Variants in TAF1 observed in about 807,000 individuals in gnomAD.
TAF1 encodes transcription initiation factor TFIID subunit 1.
TAF1 carries 2 observed loss-of-function variants against 138.5 expected under a neutral mutation model. The observed-to-expected ratio is 0.01, with a 90% CI of 0.01 to 0.05. The LOEUF (loss-of-function observed/expected upper bound fraction) is 0.05, where lower values mean the gene tolerates loss of function less well. Among genes scored for constraint, TAF1 ranks in the 10% least tolerant of loss-of-function variants. The pLI, the probability that TAF1 is intolerant of heterozygous loss-of-function variation, is 1.00. For synonymous variants in TAF1, 437 were observed against 503.2 expected (o/e 0.87, Z 1.76); for missense variants, 709 against 1,478.0 (o/e 0.48, Z 8.53).
chrX:71,496,712 CCTCT>C (rs975209660), intron 13 of TAF1, among the ~76,000 whole-genome samples: 4 of 109,171 alleles, frequency 3.7e-5, no homozygotes, highest in African/African-American at 1.0e-4. Context: ...TCTGTCTCTT[CCTCT>C]CTCTCTTTCT....
chrX:71,498,400 T>C (rs1320797999), intron 13 of TAF1, among the ~76,000 whole-genome samples: 1 of 112,038 alleles, frequency 8.9e-6, no homozygotes, highest in Non-Finnish European at 1.9e-5. Context: ...GCCTCATTGA[T>C]GAATCTAAGA....
intron 12 of TAF1, 47 bp downstream of exon 12, chrX:71,383,211 T>C (rs754071045): frequency 1.7e-6 from 2 of 1,154,710 alleles, no homozygotes; most frequent in South Asian, 4.0e-5. Flanking sequence ...GATATTGGGG[T>C]ATAAATTAAG....
At chrX:71,530,034 C>A in exon 15 of TAF1, 1 of 166,711 alleles carries the variant, frequency 6.0e-6, no homozygotes, top group Non-Finnish European at 1.2e-5. Flanking sequence ...ATTGTTTTTT[C>A]CTTTTTTACC....
intron 13 of TAF1, among the ~76,000 whole-genome samples, chrX:71,486,365 T>A (rs955498249): frequency 3.6e-5 from 4 of 109,737 alleles, no homozygotes; most frequent in Admixed American, 2.0e-4. Flanking sequence ...TTATTTTTTT[T>A]AATTTGTTTT....
intron 32 of TAF1, among the ~76,000 whole-genome samples, chrX:71,449,547 A>G (rs771122154): frequency 8.9e-5 from 10 of 112,618 alleles, no homozygotes; most frequent in African/African-American, 2.6e-4. Flanking sequence ...TTTTCCTTGT[A>G]TTATAAAGTG....
chrX:71,410,584 A>G (rs1235195696), intron 28 of TAF1, among the ~76,000 whole-genome samples: 3 of 105,851 alleles, frequency 2.8e-5, no homozygotes, highest in African/African-American at 1.0e-4. Flanking sequence ...CAGCCTCCCG[A>G]GTAGCTGGGA....
chrX:71,375,421 A>G lies in TAF1; in HGVS notation c.472+135A>G. On this transcript the variant is annotated intron_variant, in intron 4 of 37. Coordinates refer to ENST00000423759, the MANE Select transcript of TAF1 (RefSeq NM_004606.5). ...TTCTAGAAATAATTCATACAATCGCAAATTTTAGTATTAAAGGGAAGTTTT... is the reference window on the plus strand; with the variant it reads ...TTCTAGAAATAATTCATACAATCGCGAATTTTAGTATTAAAGGGAAGTTTT... 7 of 833,216 alleles carry G rather than the reference A, an allele frequency of 8.4e-6. No homozygotes were observed. The South Asian group carries it at 2.7e-4, about 32-fold the overall frequency. The allele number at this position is 833,216 out of a possible 1,213,427, so 68.7% of individuals were successfully genotyped here.
At chrX:71,376,684 A>C (rs1345227627) in intron 4 of TAF1, among the ~76,000 whole-genome samples, 1 of 110,049 alleles carries the variant, frequency 9.1e-6, no homozygotes. Flanking sequence ...AAAAAACAAC[A>C]AAAAATCGGA....
intron 13 of TAF1, among the ~76,000 whole-genome samples, chrX:71,508,656 G>A (rs1282671597): frequency 9.4e-6 from 1 of 105,844 alleles, no homozygotes; most frequent in Non-Finnish European, 1.9e-5. Flanking sequence ...AAGTGAAGAC[G>A]GGAAGGAAGG....
intron 13 of TAF1, among the ~76,000 whole-genome samples, chrX:71,518,263 G>A (rs1164155007): frequency 8.9e-6 from 1 of 111,973 alleles, no homozygotes; most frequent in Non-Finnish European, 1.9e-5. Context: ...TCTGCCTTCT[G>A]GGCTCAAGCC....
At chrX:71,496,972 G>A (rs1357848657) in intron 13 of TAF1, among the ~76,000 whole-genome samples, 1 of 112,223 alleles carries the variant, frequency 8.9e-6, no homozygotes, top group Admixed American at 9.5e-5. Context: ...CCATATTGCA[G>A]CATGGGAATG....
At chrX:71,511,787 G>A (rs769122065) in intron 13 of TAF1, among the ~76,000 whole-genome samples, 60 of 111,033 alleles carry the variant, frequency 5.4e-4, no homozygotes, top group African/African-American at 1.3e-3. Context: ...AGGTTGAGGC[G>A]GGTGGATTGC....
chrX:71,466,657 C>T (rs1460952184), downstream of TAF1, among the ~76,000 whole-genome samples: 1 of 112,117 alleles, frequency 8.9e-6, no homozygotes, highest in Non-Finnish European at 1.9e-5. Context: ...GGATTACAGG[C>T]GTGAGCCACC....
intron 23 of TAF1, 107 bp from the exon 24 acceptor site, chrX:71,398,465 G>A (rs1384222809): frequency 9.6e-7 from 1 of 1,037,361 alleles, no homozygotes; most frequent in Non-Finnish European, 1.3e-6. Context: ...ATCTTAGCCT[G>A]GATGGATTAC....
intron 32 of TAF1, among the ~76,000 whole-genome samples, chrX:71,449,774 T>C (rs2037869750): frequency 9.0e-6 from 1 of 111,718 alleles, no homozygotes; most frequent in Non-Finnish European, 1.9e-5. Flanking sequence ...ATTTCTGTTT[T>C]CTTTTTTTGT....
At chrX:71,424,881 TC>T (rs2036524373) in intron 32 of TAF1, among the ~76,000 whole-genome samples, 1 of 112,245 alleles carries the variant, frequency 8.9e-6, no homozygotes, top group Non-Finnish European at 1.9e-5. Context: ...TGCCTCAGCC[TC>T]CCAAAGTGCT....
intron 13 of TAF1, among the ~76,000 whole-genome samples, chrX:71,495,924 A>T (rs2039387890): frequency 8.9e-6 from 1 of 112,219 alleles, no homozygotes; most frequent in South Asian, 3.7e-4. Flanking sequence ...ACTTTTGTTG[A>T]AAACCTTGTA....
intron 26 of TAF1, among the ~76,000 whole-genome samples, chrX:71,407,171 C>T (rs1453680460): frequency 1.9e-5 from 2 of 108,104 alleles, no homozygotes; most frequent in Non-Finnish European, 3.8e-5. Context: ...TCGCTTTGGC[C>T]TCCCAAAGTG....
At position 71,523,176 on chromosome X, in the gene TAF1, C is replaced by A. The variant is rs1449369178; in HGVS notation, c.1367-5366C>A. ...CAGCCTGGAGACAGAGCAAGACTCC[C>A]TCTCAAAAAAAAAAAAAAAAAAAAA... On this transcript the variant is annotated intron_variant and NMD_transcript_variant, in intron 13 of 14. Coordinates refer to the TAF1 transcript ENST00000373775. Among the ~76,000 whole-genome samples, 8 of 83,789 alleles carry A rather than the reference C, an allele frequency of 9.5e-5. No homozygotes were observed. In the East Asian group the frequency reaches 3.0e-3, roughly 31 times the overall value. The allele number at this position is 83,789 out of a possible 115,157, so 72.8% of individuals were successfully genotyped here.
Sources: gnomAD v4.1 joint callset for allele counts (sites outside exome capture counted in the v4.1 genomes callset) on GRCh38, gnomAD v4.1.1 for gene constraint, MANE v1.5 for transcripts, NCBI Gene and HGNC (gene_info 2026-07-23, HGNC 2026-07-21) for gene names.